The following MGAT4C variants were observed in gnomAD, a reference collection of about 807,000 sequenced individuals.
MGAT4C encodes the protein MGAT4 family member C, also known as alpha-1,3-mannosyl-glycoprotein 4-beta-N-acetylglucosaminyltransferase C.
In MGAT4C, 19 loss-of-function variants were observed where a neutral mutation model predicts 40.1. The ratio of observed to expected loss-of-function variants is 0.47; its 90% CI spans 0.33 to 0.70. MGAT4C has a LOEUF of 0.70. MGAT4C is among the 30% of genes least tolerant of loss of function. The pLI is 0.02. For missense variants in MGAT4C, 491 were observed against 563.2 expected (o/e 0.87, Z 1.30); for synonymous variants, 181 against 187.1 (o/e 0.97, Z 0.27).
rs1956036585 is a variant in MGAT4C at position 86,385,691 on chromosome 12, C to T, written c.-120+49466G>A. On this transcript the variant is annotated intron_variant, in intron 3 of 7. Transcript: ENST00000548651. The stretch of plus-strand genomic sequence containing the variant: ...GCACCATGGGATTGATGAAGTTGAG[C>T]CTGTTCAACTGTTGCTCTTCCTGCC... Among the ~76,000 whole-genome samples, 7 of 152,250 alleles carry T rather than the reference C, an allele frequency of 4.6e-5. No individual in the cohort carries two copies. The South Asian group carries it at 1.4e-3, about 32-fold the overall frequency.
intron 4 of MGAT4C, among the ~76,000 whole-genome samples, chr12:86,297,191 G>A (rs563643840): frequency 6.6e-6 from 1 of 152,240 alleles, no homozygotes; most frequent in South Asian, 2.1e-4. Context: ...GGTGACTTAG[G>A]CTTTCGAATC....
At chr12:86,641,097 T>C (rs1249627401) in intron 2 of MGAT4C, among the ~76,000 whole-genome samples, 1 of 151,796 alleles carries the variant, frequency 6.6e-6, no homozygotes, top group Non-Finnish European at 1.5e-5. Context: ...CTATTCACAA[T>C]AGCAAAGACT....
chr12:86,112,086 T>C (rs1052967167), intron 1 of MGAT4C, among the ~76,000 whole-genome samples: 10 of 151,760 alleles, frequency 6.6e-5, no homozygotes, highest in African/African-American at 2.2e-4. Flanking sequence ...CTAAATACAA[T>C]AGAAAAAATG....
chr12:86,304,966 C>T (rs1329069639), intron 4 of MGAT4C, among the ~76,000 whole-genome samples: 1 of 150,752 alleles, frequency 6.6e-6, no homozygotes, highest in African/African-American at 2.5e-5. Context: ...AACTGTGAGA[C>T]AATAACTTTC....
At chr12:86,794,755 T>G (rs1231522620) in intron 1 of MGAT4C, among the ~76,000 whole-genome samples, 2 of 151,870 alleles carry the variant, frequency 1.3e-5, no homozygotes, top group African/African-American at 4.8e-5. Flanking sequence ...CAAAATTAAT[T>G]AACTGAGTAC....
intron 3 of MGAT4C, among the ~76,000 whole-genome samples, chr12:86,420,863 G>T (rs1325858359): frequency 6.9e-6 from 1 of 144,552 alleles, no homozygotes; most frequent in Non-Finnish European, 1.5e-5. Flanking sequence ...ATATATATGT[G>T]TATATATATA....
intron 2 of MGAT4C, among the ~76,000 whole-genome samples, chr12:86,547,860 G>T (rs906516994): frequency 6.6e-6 from 1 of 152,112 alleles, no homozygotes; most frequent in South Asian, 2.1e-4. Context: ...CAGAAGACAT[G>T]AATTCACTTT....
At chr12:86,212,188 C>T (rs1950499833) in intron 1 of MGAT4C, among the ~76,000 whole-genome samples, 1 of 152,094 alleles carries the variant, frequency 6.6e-6, no homozygotes. Flanking sequence ...CTTTTCAAAT[C>T]AGTATAGGTT....
At chr12:86,008,931 T>C (rs983049054) in intron 2 of MGAT4C, among the ~76,000 whole-genome samples, 3 of 152,072 alleles carry the variant, frequency 2.0e-5, no homozygotes, top group African/African-American at 7.2e-5. Flanking sequence ...TTAAACCAAA[T>C]AGAAGTATAC....
At chr12:86,389,003 G>GT (rs987179789) in intron 3 of MGAT4C, among the ~76,000 whole-genome samples, 11 of 151,884 alleles carry the variant, frequency 7.2e-5, no homozygotes, top group Non-Finnish European at 1.0e-4. Flanking sequence ...CTTGAGCATA[G>GT]TTTTTTTCTT....
At chr12:86,690,199 C>T (rs1242785080) in intron 2 of MGAT4C, among the ~76,000 whole-genome samples, 1 of 152,208 alleles carries the variant, frequency 6.6e-6, no homozygotes, top group African/African-American at 2.4e-5. Context: ...CGACTTCAGA[C>T]TGCTGTGCTG....
In MGAT4C at chr12:85,979,607, A is replaced by G; in HGVS notation, c.1119T>C (p.Pro373=). ...SVDEYFWGKP[P]STGDVFVIVF... is the part of the protein sequence containing the mutation. ...CAATCACAAAAACATCTCCTGTTGA[A>G]GGTGGTTTCCCCCAAAAGTACTCAT... The change falls in exon 5 of 5, where the codon CCT becomes CCC. Residue 373 remains proline, a synonymous_variant. Transcript: ENST00000611864. 1 of 1,610,656 alleles carries G rather than the reference A, an allele frequency of 6.2e-7. No individual in the cohort carries two copies. The highest frequency in any genetic ancestry group is 8.5e-7 in the Non-Finnish European group (1 of 1,179,124).
chr12:86,300,621 T>C (rs533912310), intron 4 of MGAT4C, among the ~76,000 whole-genome samples: 26 of 152,318 alleles, frequency 1.7e-4, no homozygotes, highest in African/African-American at 6.0e-4. Context: ...TCAAGTTACA[T>C]ATATAATCAA....
intron 1 of MGAT4C, among the ~76,000 whole-genome samples, chr12:86,774,387 TCTCTCTCTC>T: frequency 9.7e-6 from 1 of 103,068 alleles, no homozygotes; most frequent in African/African-American, 3.1e-5. Flanking sequence ...TCTGTCTCTC[TCTCTCTCTC>T]CTCTCTCTCT....
chr12:86,036,610 A>T (rs1173632837), intron 2 of MGAT4C, among the ~76,000 whole-genome samples: 1 of 149,680 alleles, frequency 6.7e-6, no homozygotes, highest in African/African-American at 2.4e-5. Context: ...TATTGATTTG[A>T]GTATTTTGAA....
At chr12:86,786,334 T>TA (rs1951930810) in intron 1 of MGAT4C, among the ~76,000 whole-genome samples, 1 of 152,096 alleles carries the variant, frequency 6.6e-6, no homozygotes, top group African/African-American at 2.4e-5. Flanking sequence ...AACAAATGGT[T>TA]GAATCTGTAG....
intron 2 of MGAT4C, among the ~76,000 whole-genome samples, chr12:86,502,703 A>ATCTGCTCATATATATACACGAGT (rs1592925510): frequency 4.9e-5 from 7 of 143,728 alleles, no homozygotes; most frequent in Admixed American, 1.4e-4. Context: ...TATACACGAG[A>ATCTGCTCATATATATACACGAGT]TCTGCTCATA....
At chr12:86,191,917 A>G (rs549136163) in intron 1 of MGAT4C, among the ~76,000 whole-genome samples, 2 of 150,696 alleles carry the variant, frequency 1.3e-5, no homozygotes, top group East Asian at 4.1e-4. Context: ...TGCAGCCATA[A>G]AAAAGGGTGA....
intron 2 of MGAT4C, among the ~76,000 whole-genome samples, chr12:86,494,685 GA>G (rs1441611255): frequency 4.0e-5 from 6 of 151,332 alleles, no homozygotes. Context: ...TAGAGATAGG[GA>G]AAAATATTTT....
Sources: gnomAD v4.1 joint callset for allele counts (sites outside exome capture counted in the v4.1 genomes callset) on GRCh38, gnomAD v4.1.1 for gene constraint, MANE v1.5 for transcripts, NCBI Gene and HGNC (gene_info 2026-07-23, HGNC 2026-07-21) for gene names.